Variants in ULK4 observed in about 807,000 individuals in gnomAD.
ULK4 encodes inactive serine/threonine-protein kinase ULK4.
A neutral mutation model predicts 160.6 loss-of-function variants in ULK4; 133 were observed. That is an observed-to-expected ratio of 0.83 (90% CI 0.72 to 0.96). ULK4 has a LOEUF of 0.96. ULK4 is among the 40% of genes least tolerant of loss of function. The pLI is 0.00. For missense variants in ULK4, 1,580 were observed against 1,499.5 expected (o/e 1.05, Z -0.89); for synonymous variants, 534 against 539.8 (o/e 0.99, Z 0.15).
intron 21 of ULK4, among the ~76,000 whole-genome samples, chr3:41,754,892 G>C (rs2038746089): frequency 6.6e-6 from 1 of 152,230 alleles, no homozygotes; most frequent in African/African-American, 2.4e-5. Context: ...TCTCTGAGAA[G>C]AGCTGCATAT....
Position 41,911,558 on chromosome 3 carries a change from C to G in ULK4, c.998G>C (p.Gly333Ala). The G allele has an allele frequency of 6.2e-7, 1 of 1,613,630 alleles. No individual in the cohort carries two copies. The highest frequency in any genetic ancestry group is 8.5e-7 in the Non-Finnish European group (1 of 1,179,692). ...AAACTTACCTAGTCTGAAAGAGTGA[C>G]CTAGTGGTTGACCACTCTTGTGCCC... is the stretch of plus-strand genomic sequence containing the variant. ...AKGHKSGQPL[G>A]HSFRLENPTE... The change falls in exon 10 of 37, where the codon GGT becomes GCT. Residue 333 changes from glycine (G) to alanine (A), a missense_variant. Transcript: ENST00000301831.
intron 32 of ULK4, among the ~76,000 whole-genome samples, chr3:41,510,678 A>T (rs1259653801): frequency 5.3e-5 from 8 of 152,166 alleles, no homozygotes; most frequent in Non-Finnish European, 1.5e-5. Flanking sequence ...CACCAAAAGG[A>T]ACCCTCAAAA....
At chr3:41,848,890 C>G (rs137871056) in intron 17 of ULK4, among the ~76,000 whole-genome samples, 42 of 152,328 alleles carry the variant, frequency 2.8e-4, no homozygotes, top group African/African-American at 1.0e-3. Flanking sequence ...CCTGCCCTTC[C>G]TTGACACAAA....
chr3:41,276,814 CT>C (rs1270594089), intron 35 of ULK4, among the ~76,000 whole-genome samples: 1 of 152,156 alleles, frequency 6.6e-6, no homozygotes, highest in Non-Finnish European at 1.5e-5. Context: ...ATTCACATGA[CT>C]TTTAGATAGG....
intron 35 of ULK4, among the ~76,000 whole-genome samples, chr3:41,392,480 G>C (rs2081977900): frequency 6.6e-6 from 1 of 152,096 alleles, no homozygotes; most frequent in Non-Finnish European, 1.5e-5. Context: ...CATAGGGAGG[G>C]ATCTGCTACA....
chr3:41,750,187 G>A lies in ULK4; in HGVS notation c.2321+4174C>T, dbSNP rs368268922. 1.8e-4 allele frequency among the ~76,000 whole-genome samples: 27 copies of A among 152,130 alleles called. No homozygotes were observed. The East Asian group carries it at 2.1e-3, about 12-fold the overall frequency. ...CATGGAAACTGTCAGTTTAATAAACGGGCACTGCCTTTAATGATGGAGTCT... is the reference window on the plus strand; with the variant it reads ...CATGGAAACTGTCAGTTTAATAAACAGGCACTGCCTTTAATGATGGAGTCT... On this transcript the variant is annotated intron_variant, in intron 22 of 36. Transcript: ENST00000301831.
At chr3:41,767,947 T>A (rs1188957337) in intron 21 of ULK4, among the ~76,000 whole-genome samples, 1 of 152,186 alleles carries the variant, frequency 6.6e-6, no homozygotes, top group South Asian at 2.1e-4. Flanking sequence ...CACAGACCAG[T>A]ACTGGCCTGT....
chr3:41,272,281 G>A (rs2079150428), intron 35 of ULK4, among the ~76,000 whole-genome samples: 1 of 149,766 alleles, frequency 6.7e-6, no homozygotes. Flanking sequence ...CAGTCTGCTG[G>A]TAATAAATTA....
At chr3:41,764,105 A>G (rs1025001862) in intron 21 of ULK4, among the ~76,000 whole-genome samples, 2 of 152,256 alleles carry the variant, frequency 1.3e-5, no homozygotes, top group African/African-American at 4.8e-5. Context: ...GAAGCAAAAC[A>G]TAAGACTTTG....
chr3:41,774,669 T>C (rs531835309), intron 21 of ULK4, among the ~76,000 whole-genome samples: 1 of 149,884 alleles, frequency 6.7e-6, no homozygotes, highest in African/African-American at 2.5e-5. Flanking sequence ...GTGTGGCGAT[T>C]CCTCAGGGAT....
chr3:41,727,969 T>C (rs2037706852), intron 22 of ULK4, among the ~76,000 whole-genome samples: 1 of 152,204 alleles, frequency 6.6e-6, no homozygotes, highest in African/African-American at 2.4e-5. Context: ...AAGTCAAGAA[T>C]AATTCCATGC....
At chr3:41,961,550 A>ACCCCCCCTCCCCCCCCCC (rs1700669869) in intron 1 of ULK4, among the ~76,000 whole-genome samples, 5 of 124,708 alleles carry the variant, frequency 4.0e-5, no homozygotes, top group African/African-American at 8.5e-5. Flanking sequence ...GTAGTCACTC[A>ACCCCCCCTCCCCCCCCCC]CCCCCCCCCC....
intron 31 of ULK4, among the ~76,000 whole-genome samples, chr3:41,602,575 T>C (rs955002272): frequency 6.6e-6 from 1 of 152,176 alleles, no homozygotes; most frequent in Non-Finnish European, 1.5e-5. Flanking sequence ...GAACTCACTG[T>C]ACTACCTCTG....
At chr3:41,387,585 C>G (rs2081847744) in intron 35 of ULK4, among the ~76,000 whole-genome samples, 1 of 152,138 alleles carries the variant, frequency 6.6e-6, no homozygotes, top group African/African-American at 2.4e-5. Flanking sequence ...CATGTGCTCT[C>G]ATTGTTCAAT....
chr3:41,895,623 A>G, intron 15 of ULK4, 59 bp from the exon 16 acceptor site: 1 of 1,141,552 alleles, frequency 8.8e-7, no homozygotes, highest in East Asian at 2.9e-5. Context: ...AAGTCACAAA[A>G]CACAGAAAAT....
chr3:41,591,902 A>G (rs992270464), intron 31 of ULK4, among the ~76,000 whole-genome samples: 1 of 152,204 alleles, frequency 6.6e-6, no homozygotes, highest in Non-Finnish European at 1.5e-5. Flanking sequence ...TTGCTCCATA[A>G]TCTTTAAAAT....
intron 35 of ULK4, among the ~76,000 whole-genome samples, chr3:41,251,931 C>T (rs1184688184): frequency 6.6e-6 from 1 of 152,130 alleles, no homozygotes; most frequent in Non-Finnish European, 1.5e-5. Context: ...AACTCTTGGC[C>T]TCACCCCCAA....
At chr3:41,576,294 G>T (rs2088185711) in intron 31 of ULK4, among the ~76,000 whole-genome samples, 1 of 152,172 alleles carries the variant, frequency 6.6e-6, no homozygotes, top group Non-Finnish European at 1.5e-5. Context: ...GGTTGCCTTG[G>T]GTTGAATAGT....
chr3:41,689,995 T>G (rs1327554139), intron 27 of ULK4, among the ~76,000 whole-genome samples: 1 of 148,782 alleles, frequency 6.7e-6, no homozygotes, highest in Non-Finnish European at 1.5e-5. Context: ...TGCACACGTA[T>G]GTTTACTGCG....
Sources: allele counts gnomAD v4.1 joint callset (sites outside exome capture counted in the v4.1 genomes callset), GRCh38; gene constraint gnomAD v4.1.1; transcripts MANE v1.5; gene names NCBI Gene and HGNC (gene_info 2026-07-23, HGNC 2026-07-21).